Variants in GTF3C1 observed in about 807,000 individuals in gnomAD.
GTF3C1 encodes general transcription factor IIIC subunit 1.
GTF3C1 carries 57 observed loss-of-function variants against 226.7 expected under a neutral mutation model. That is an observed-to-expected ratio of 0.25 (90% confidence interval 0.20 to 0.31). GTF3C1 has a LOEUF of 0.31. Among genes scored for constraint, GTF3C1 ranks in the 10% least tolerant of loss-of-function variants. GTF3C1 has a pLI of 1.00. For synonymous variants in GTF3C1, 1,090 were observed against 1,084.8 expected (o/e 1.00, Z -0.09); for missense variants, 2,217 against 2,776.1 (o/e 0.80, Z 4.53).
intron 6 of GTF3C1, among the ~76,000 whole-genome samples, chr16:27,524,568 G>T (rs1759126564): frequency 6.6e-6 from 1 of 152,134 alleles, no homozygotes; most frequent in African/African-American, 2.4e-5. Flanking sequence ...TCTAACCCAG[G>T]GCTGTCTTAC....
chr16:27,522,386 C>T (rs182671477), intron 6 of GTF3C1, among the ~76,000 whole-genome samples: 34 of 152,378 alleles, frequency 2.2e-4, no homozygotes, highest in Middle Eastern at 3.4e-3. Flanking sequence ...ATCAAATGGT[C>T]TTGGCACCTT....
intron 19 of GTF3C1, among the ~76,000 whole-genome samples, chr16:27,490,497 C>T (rs568730029): frequency 8.5e-5 from 13 of 152,214 alleles, no homozygotes; most frequent in East Asian, 3.9e-4. Context: ...TTACTTGAGA[C>T]GCCTTGCCCA....
At chr16:27,478,636 G>A (rs990866098) in intron 27 of GTF3C1, 105 bp from the exon 28 acceptor site, 5 of 821,010 alleles carry the variant, frequency 6.1e-6, no homozygotes, top group Non-Finnish European at 1.1e-5. Flanking sequence ...TGTTGGGAGT[G>A]GGAGAAATGT....
chr16:27,462,542 C>G lies in GTF3C1; in HGVS notation c.5925-56G>C. 2 of 1,369,184 alleles carry G rather than the reference C, an allele frequency of 1.5e-6. No individual in the cohort carries two copies. The highest frequency in any genetic ancestry group is 3.5e-5 in the Admixed American group (2 of 57,400). 84.8% of individuals were successfully genotyped at this position (1,369,184 alleles called of 1,614,324 possible). ...GGTGGGGGCAGGAGGGCAGCTCGTC[C>G]AGACAGAACACTGAGGCTCAGGGGC... On this transcript the variant is annotated intron_variant, in intron 35 of 36. Transcript: ENST00000356183. The surrounding 1 kb of genome is among the most constrained non-coding windows in gnomAD (Gnocchi z 4.5).
In GTF3C1 at chr16:27,461,592, G is replaced by C. The variant is rs369710832; in HGVS notation, c.6118-30C>G. The C allele has an allele frequency of 7.4e-5, 110 of 1,493,764 alleles. 1 individual carries two copies. In the South Asian group the frequency reaches 8.9e-4, roughly 12 times the overall value. 92.5% of individuals were successfully genotyped at this position (1,493,764 alleles called of 1,614,324 possible). On this transcript the variant is annotated intron_variant, in intron 36 of 36. Transcript: ENST00000356183. The surrounding 1 kb of genome is among the most constrained non-coding windows in gnomAD (Gnocchi z 5.3). ...AGACACCAGACACACAGGTTACAGC[G>C]GCACTGCCCTCGCCTGCTTGTTGAT...
chr16:27,501,039 A>T, intron 12 of GTF3C1, 152 bp downstream of exon 12: 1 of 642,520 alleles, frequency 1.6e-6, no homozygotes, highest in Non-Finnish European at 2.7e-6. Context: ...GTTTCCAGCT[A>T]ACCCATATTC....
chr16:27,488,692 C>T (rs944868191), intron 21 of GTF3C1, 57 bp from the exon 22 acceptor site: 26 of 1,407,676 alleles, frequency 1.8e-5, no homozygotes, highest in Non-Finnish European at 2.6e-5. Context: ...TCCCCAGCCG[C>T]CCAGAGTAAC....
chr16:27,496,239 T>C (rs564906517), intron 14 of GTF3C1, among the ~76,000 whole-genome samples: 24 of 152,280 alleles, frequency 1.6e-4, no homozygotes, highest in African/African-American at 5.5e-4. Flanking sequence ...ATGCTTCCTA[T>C]ACAGCCTGTA....
intron 5 of GTF3C1, among the ~76,000 whole-genome samples, chr16:27,529,252 G>C (rs2088878864): frequency 6.6e-6 from 1 of 152,104 alleles, no homozygotes; most frequent in African/African-American, 2.4e-5. Context: ...GGACCAGCCT[G>C]GCCAACATGG....
chr16:27,461,087 A>C lies in GTF3C1; in HGVS notation c.*263T>G. 2.4e-6 allele frequency: 1 copy of C among 409,072 alleles called. No homozygotes were observed. The highest frequency in any genetic ancestry group is 3.7e-5 in the Admixed American group (1 of 26,702). 25.3% of individuals were successfully genotyped at this position (409,072 alleles called of 1,614,324 possible). On this transcript the variant is annotated 3_prime_UTR_variant, in exon 37 of 37. Coordinates refer to ENST00000356183, the MANE Select transcript of GTF3C1 (RefSeq NM_001520.4). This position sits in a 1 kb window ranked among gnomAD's most constrained non-coding sequence, Gnocchi z 5.3. ...AAACTCTGGAGACCCAGAGACAAGA[A>C]GCACCAACTCCCAGTGTGATGAGGC...
intron 6 of GTF3C1, among the ~76,000 whole-genome samples, chr16:27,521,979 T>C (rs1046410662): frequency 1.3e-5 from 2 of 152,208 alleles, no homozygotes; most frequent in African/African-American, 4.8e-5. Flanking sequence ...TCATTTCTTT[T>C]CTCTTAGCTT....
chr16:27,547,266 C>T (rs2089178769), intron 1 of GTF3C1, among the ~76,000 whole-genome samples: 1 of 152,186 alleles, frequency 6.6e-6, no homozygotes, highest in African/African-American at 2.4e-5. Flanking sequence ...GCTTTAATTA[C>T]CAGCTGCTAG....
intron 6 of GTF3C1, among the ~76,000 whole-genome samples, chr16:27,522,080 T>C (rs545067980): frequency 6.6e-6 from 1 of 152,370 alleles, no homozygotes; most frequent in Non-Finnish European, 1.5e-5. Context: ...CTAGGTTTCT[T>C]GGATATTATT....
At position 27,464,644 on chromosome 16, in the gene GTF3C1, G is replaced by T; in HGVS notation, c.5548C>A (p.Gln1850Lys). 1.3e-6 allele frequency: 2 copies of T among 1,516,532 alleles called. No homozygotes were observed. Among genetic ancestry groups the T allele is most frequent in the East Asian group, 2.3e-5 (1 of 42,710 alleles). The allele number at this position is 1,516,532 out of a possible 1,614,324, so 93.9% of individuals were successfully genotyped here. A position where few individuals can be genotyped will look rare whatever the true frequency, so the allele number is the denominator to read the frequency against. The change falls in exon 34 of 37, where the codon CAG (glutamine) becomes AAG (lysine). Residue 1850 changes from glutamine to lysine, a missense_variant. Coordinates refer to ENST00000356183, the MANE Select transcript of GTF3C1 (RefSeq NM_001520.4). ...CGGGGGCTGTGAGAAGGAGGTGCCTGCCCCTCGGGGGGGCTGTCCTCACTG... is the reference window on the plus strand; with the variant it reads ...CGGGGGCTGTGAGAAGGAGGTGCCTTCCCCTCGGGGGGGCTGTCCTCACTG... ...SSSEDSPPEGQAPPSHSPRGT... is the reference protein window; with the variant it reads ...SSSEDSPPEGKAPPSHSPRGT...
intron 34 of GTF3C1, 58 bp downstream of exon 34, chr16:27,464,262 G>A (rs1455285243): frequency 1.3e-5 from 15 of 1,162,506 alleles, no homozygotes; most frequent in Admixed American, 6.6e-5. Context: ...CCATCAGGGC[G>A]GAGGGGAGGG....
intron 11 of GTF3C1, among the ~76,000 whole-genome samples, chr16:27,502,271 G>A (rs978046076): frequency 6.6e-6 from 1 of 152,244 alleles, no homozygotes; most frequent in Middle Eastern, 3.4e-3. Flanking sequence ...TGTCCCTGAT[G>A]GAGGGTAAGG....
At chr16:27,502,779 T>A (rs1193300521) in intron 11 of GTF3C1, 80 bp downstream of exon 11, 1 of 1,424,488 alleles carries the variant, frequency 7.0e-7, no homozygotes, top group African/African-American at 1.4e-5. Flanking sequence ...CTCAGTGGTG[T>A]CCATGGCTTG....
chr16:27,501,928 C>T (rs1596637956), intron 11 of GTF3C1, among the ~76,000 whole-genome samples: 2 of 152,050 alleles, frequency 1.3e-5, no homozygotes, highest in Non-Finnish European at 2.9e-5. Flanking sequence ...CATGGTGAAA[C>T]CCCGTCTCTA....
chr16:27,470,706 G>C lies in GTF3C1; in HGVS notation c.4527-311C>G, dbSNP rs2087854734. 1 of 366,784 alleles carries C rather than the reference G, an allele frequency of 2.7e-6. No individual in the cohort carries two copies. Among genetic ancestry groups the C allele is most frequent in the African/African-American group, 2.0e-5 (1 of 48,806 alleles). 22.7% of individuals were successfully genotyped at this position (366,784 alleles called of 1,614,324 possible). ...ACCTTACAGGGGCTCACTGTACACA[G>C]CTGCTGAACTAGGGATGGTGAACAC... On this transcript the variant is annotated intron_variant, in intron 30 of 36. Coordinates refer to ENST00000356183, the MANE Select transcript of GTF3C1 (RefSeq NM_001520.4). This position sits in a 1 kb window ranked among gnomAD's most constrained non-coding sequence, Gnocchi z 4.9.
Sources: allele counts gnomAD v4.1 joint callset (sites outside exome capture counted in the v4.1 genomes callset), GRCh38; gene constraint gnomAD v4.1.1; non-coding constraint Gnocchi (gnomAD v3.1); transcripts MANE v1.5; gene names NCBI Gene and HGNC (gene_info 2026-07-23, HGNC 2026-07-21).